The following NCKAP5 variants were observed in gnomAD, a reference collection of about 807,000 sequenced individuals.
NCKAP5 encodes the protein NCK associated protein 5, also known as nck-associated protein 5.
A neutral mutation model predicts 167.0 loss-of-function variants in NCKAP5; 92 were observed. The observed-to-expected ratio is 0.55, with a 90% CI of 0.47 to 0.66. The LOEUF is 0.66. NCKAP5 is among the 30% of genes least tolerant of loss of function. The pLI, the probability that NCKAP5 is intolerant of heterozygous loss-of-function variation, is 0.00. For missense variants in NCKAP5, 2,378 were observed against 2,315.0 expected, an observed-to-expected ratio of 1.03 and a Z score of -0.56; for synonymous variants, 891 against 877.4, an observed-to-expected ratio of 1.02 and a Z score of -0.27.
the NCKAP5 span, among the ~76,000 whole-genome samples, chr2:133,590,042 T>G: frequency 6.6e-6 from 1 of 152,126 alleles, no homozygotes; most frequent in African/African-American, 2.4e-5. Context: ...TTTCCTGCCT[T>G]CCTTTTTTGT....
the NCKAP5 span, among the ~76,000 whole-genome samples, chr2:133,581,326 A>C: frequency 6.6e-6 from 1 of 152,258 alleles, no homozygotes; most frequent in East Asian, 1.9e-4. Flanking sequence ...CCTCATCCCC[A>C]TCCACTTCCT....
At chr2:132,686,841 AG>A (rs1290150673) in intron 19 of NCKAP5, among the ~76,000 whole-genome samples, 2 of 152,246 alleles carry the variant, frequency 1.3e-5, no homozygotes, top group African/African-American at 2.4e-5. Context: ...GTAAGTAAAC[AG>A]GAAAATAGAC....
At chr2:133,363,843 T>TA (rs1218389354) in intron 3 of NCKAP5, among the ~76,000 whole-genome samples, 1 of 152,226 alleles carries the variant, frequency 6.6e-6, no homozygotes, top group Non-Finnish European at 1.5e-5. Context: ...CAGGGACACA[T>TA]ACTGTTTTAC....
intron 19 of NCKAP5, among the ~76,000 whole-genome samples, chr2:132,675,149 A>T (rs1227721456): frequency 2.6e-5 from 4 of 152,182 alleles, no homozygotes; most frequent in African/African-American, 9.7e-5. Flanking sequence ...CACACTCATT[A>T]GAGAAGCTAC....
intron 16 of NCKAP5, among the ~76,000 whole-genome samples, chr2:132,743,805 T>C (rs1285194282): frequency 6.6e-6 from 1 of 151,590 alleles, no homozygotes; most frequent in Non-Finnish European, 1.5e-5. Flanking sequence ...GATAAAACAT[T>C]CATTTTAAAT....
At position 133,266,252 on chromosome 2, in the gene NCKAP5, C is replaced by A. The variant is rs149327590; in HGVS notation, c.143+36785G>T. ...CTTTCAGGGAAGGGAGAGCCCCTAA[C>A]CTCGCCCCACCTCCCAAAACTTCTC... On this transcript the variant is annotated intron_variant, in intron 4 of 19. Coordinates refer to ENST00000409261, the MANE Select transcript of NCKAP5 (RefSeq NM_207363.3). 5.9e-3 allele frequency: 893 copies of A among 152,544 alleles called. 3 individuals carry two copies. The highest frequency in any genetic ancestry group is 1.0e-2 in the Non-Finnish European group (681 of 68,336). 9.4% of individuals were successfully genotyped at this position (152,544 alleles called of 1,614,324 possible). A position where few individuals can be genotyped will look rare whatever the true frequency, so the allele number is the denominator to read the frequency against.
intron 3 of NCKAP5, among the ~76,000 whole-genome samples, chr2:133,412,222 C>T (rs959677039): frequency 1.3e-5 from 2 of 152,162 alleles, no homozygotes; most frequent in Non-Finnish European, 1.5e-5. Context: ...AAAGGGACCG[C>T]AGAGAGCCCT....
rs758592518 is a variant in NCKAP5, at chr2:133,348,492, G to A, written c.70-45382C>T. On this transcript the variant is annotated intron_variant, in intron 3 of 19. Coordinates refer to ENST00000409261, the MANE Select transcript of NCKAP5 (RefSeq NM_207363.3). ...GGTGGGAGTAGTTTTTGGAAACTAT[G>A]AAGAATAAAGTTACAGCCCTACTAT... Among the ~76,000 whole-genome samples, 1,080 of 152,074 alleles carry A rather than the reference G, an allele frequency of 7.1e-3. 13 individuals carry two copies. Among genetic ancestry groups the A allele is most frequent in the African/African-American group, 0.023 (945 of 41,486 alleles).
chr2:133,213,350 C>G (rs2086288133), intron 5 of NCKAP5, among the ~76,000 whole-genome samples: 1 of 152,144 alleles, frequency 6.6e-6, no homozygotes, highest in African/African-American at 2.4e-5. Context: ...TTTCAGAACA[C>G]TAAGATGGCT....
At chr2:133,195,445 G>A (rs1014172769) in intron 5 of NCKAP5, among the ~76,000 whole-genome samples, 10 of 152,104 alleles carry the variant, frequency 6.6e-5, no homozygotes, top group Non-Finnish European at 1.2e-4. Flanking sequence ...GCATACATGT[G>A]TCATGCTTTC....
At chr2:133,287,832 A>T in intron 4 of NCKAP5, among the ~76,000 whole-genome samples, 1 of 152,194 alleles carries the variant, frequency 6.6e-6, no homozygotes, top group East Asian at 1.9e-4. Flanking sequence ...GAATGGAGAG[A>T]GAGGCCACAA....
intron 3 of NCKAP5, among the ~76,000 whole-genome samples, chr2:133,457,011 T>A (rs1177865173): frequency 6.6e-6 from 1 of 152,122 alleles, no homozygotes; most frequent in Non-Finnish European, 1.5e-5. Flanking sequence ...TCATCTCTAA[T>A]GTGCAGCATT....
chr2:133,652,562 A>G, the NCKAP5 span, among the ~76,000 whole-genome samples: 1 of 152,208 alleles, frequency 6.6e-6, no homozygotes, highest in African/African-American at 2.4e-5. Flanking sequence ...TGTAGTATGC[A>G]TTCTTGGTAG....
intron 10 of NCKAP5, among the ~76,000 whole-genome samples, chr2:132,863,546 G>C (rs1046064471): frequency 6.6e-6 from 1 of 151,918 alleles, no homozygotes; most frequent in Non-Finnish European, 1.5e-5. Context: ...AAGGCCATTA[G>C]TATTACTTAA....
rs1685280835 is a variant in NCKAP5, at chr2:132,804,495, C to T, written c.808-7766G>A. On this transcript the variant is annotated intron_variant, in intron 11 of 19. Transcript: ENST00000409261. ...AAGTTCTGACTTTCTGAAGATTTTG[C>T]CTTTTACATGTGGGGGAACACATTT... 2.0e-5 allele frequency among the ~76,000 whole-genome samples: 3 copies of T among 152,084 alleles called. No individual in the cohort carries two copies. In the South Asian group the frequency reaches 6.2e-4, roughly 32 times the overall value.
intron 4 of NCKAP5, among the ~76,000 whole-genome samples, chr2:133,253,866 T>C (rs1313668324): frequency 6.6e-6 from 1 of 152,212 alleles, no homozygotes; most frequent in African/African-American, 2.4e-5. Flanking sequence ...CCAGCTCCCC[T>C]ACAATGTGGA....
chr2:133,343,131 T>C (rs897500801), intron 3 of NCKAP5, among the ~76,000 whole-genome samples: 4 of 152,208 alleles, frequency 2.6e-5, no homozygotes, highest in Admixed American at 6.5e-5. Context: ...TGTTAATGAC[T>C]GCATTTGTTA....
the NCKAP5 span, among the ~76,000 whole-genome samples, chr2:133,663,148 C>A: frequency 5.3e-5 from 8 of 152,074 alleles, no homozygotes; most frequent in Non-Finnish European, 1.2e-4. Context: ...CGCCTGTAGT[C>A]CCAGCTACTC....
At chr2:132,917,970 T>A (rs1301210580) in intron 8 of NCKAP5, among the ~76,000 whole-genome samples, 1 of 152,188 alleles carries the variant, frequency 6.6e-6, no homozygotes, top group East Asian at 1.9e-4. Flanking sequence ...AACCAAGAAG[T>A]ATATTATACC....
Sources: gnomAD v4.1 joint callset for allele counts (sites outside exome capture counted in the v4.1 genomes callset) on GRCh38, gnomAD v4.1.1 for gene constraint, MANE v1.5 for transcripts, NCBI Gene and HGNC (gene_info 2026-07-23, HGNC 2026-07-21) for gene names.